Variants in BRCA1 observed in about 807,000 individuals in gnomAD.
BRCA1 encodes BRCA1 DNA repair associated.
Under a neutral mutation model 173.7 loss-of-function variants are expected in BRCA1, and 140 were observed. The ratio of observed to expected loss-of-function variants is 0.81; its 90% CI spans 0.70 to 0.93. The LOEUF (loss-of-function observed/expected upper bound fraction) is 0.93. Among genes scored for constraint, BRCA1 ranks in the 40% least tolerant of loss-of-function variants. The pLI, the probability that BRCA1 is intolerant of heterozygous loss-of-function variation, is 0.00. For missense variants in BRCA1, 1,983 were observed against 2,172.5 expected (o/e 0.91, Z 1.73); for synonymous variants, 662 against 756.0 (o/e 0.88, Z 2.04).
intron 18 of BRCA1, among the ~76,000 whole-genome samples, chr17:43,057,932 A>G (rs1271707107): frequency 1.4e-5 from 2 of 142,366 alleles, no homozygotes; most frequent in African/African-American, 2.7e-5. Flanking sequence ...AGGCATGAGA[A>G]TTGCTGGAAT....
intron 3 of BRCA1, 59 bp from the exon 4 acceptor site, chr17:43,106,592 C>T (rs1231289031): frequency 6.2e-6 from 8 of 1,290,612 alleles, no homozygotes; most frequent in Admixed American, 1.8e-5. Flanking sequence ...AGAAAGAATA[C>T]TCAAAAGGCA....
intron 19 of BRCA1, among the ~76,000 whole-genome samples, chr17:43,055,381 C>G (rs2051416085): frequency 6.6e-6 from 1 of 152,234 alleles, no homozygotes; most frequent in South Asian, 2.1e-4. Flanking sequence ...GGTGCAGTGG[C>G]TCATGCTTGT....
intron 2 of BRCA1, among the ~76,000 whole-genome samples, chr17:43,120,517 G>A (rs2055496343): frequency 6.6e-6 from 1 of 152,008 alleles, no homozygotes; most frequent in Non-Finnish European, 1.5e-5. Context: ...TGTAATCCCA[G>A]CACTTTGGGA....
Position 43,092,660 on chromosome 17 carries a change from C to T in BRCA1, c.2871G>A (p.Gln957=), listed in dbSNP as rs1167322579. The change falls in exon 10 of 23, where the codon CAG becomes CAA. Residue 957 remains glutamine (Q), a synonymous_variant. Transcript: ENST00000357654. ...TGAGTCCAGTTTCGTTGCCTCTGAA[C>T]TGAGATGATAGACAAAACCTAGAGC... ...KGGSRFCLSS[Q]FRGNETGLIT... The T allele has an allele frequency of 6.2e-7, 1 of 1,613,936 alleles. No individual in the cohort carries two copies. The highest frequency in any genetic ancestry group is 2.2e-5 in the East Asian group (1 of 44,874).
intron 1 of BRCA1, among the ~76,000 whole-genome samples, chr17:43,157,995 C>CAAA (rs557006036): frequency 1.5e-5 from 1 of 65,946 alleles, no homozygotes; most frequent in African/African-American, 4.7e-5. Flanking sequence ...AACTCTGTCT[C>CAAA]AAAAAAAAAA....
chr17:43,104,844 A>C (rs767849754), intron 5 of BRCA1, 24 bp downstream of exon 5: 8 of 1,596,528 alleles, frequency 5.0e-6, no homozygotes, highest in Middle Eastern at 1.7e-4. Context: ...CTTGAGTGTC[A>C]TTCTTGGGAT....
chr17:43,143,074 A>ATG (rs773830544), intron 1 of BRCA1, among the ~76,000 whole-genome samples: 44 of 149,268 alleles, frequency 2.9e-4, no homozygotes, highest in East Asian at 7.8e-4. Context: ...ATGTATATAT[A>ATG]TGTGTGTGTG....
At chr17:43,128,382 ACTC>A (rs1163613589), upstream of BRCA1, among the ~76,000 whole-genome samples, 39 of 148,164 alleles carry the variant, frequency 2.6e-4, no homozygotes, top group South Asian at 8.7e-4. Context: ...GAAGGAGGTA[ACTC>A]TGAACACGTC....
At chr17:43,097,410 G>A in intron 7 of BRCA1, 121 bp from the exon 8 acceptor site, 2 of 891,674 alleles carry the variant, frequency 2.2e-6, no homozygotes, top group Admixed American at 1.8e-5. Context: ...ATCTACTGTG[G>A]CAGGTACAAT....
In BRCA1 at chr17:43,067,711, A is replaced by C. The variant is rs773821829; in HGVS notation, c.4987-16T>G. 6.3e-7 allele frequency: 1 copy of C among 1,591,708 alleles called. No homozygotes were observed. Among genetic ancestry groups the C allele is most frequent in the Non-Finnish European group, 8.6e-7 (1 of 1,159,872 alleles). On this transcript the variant is annotated splice_polypyrimidine_tract_variant and intron_variant, in intron 15 of 22. Coordinates refer to ENST00000357654, the MANE Select transcript of BRCA1 (RefSeq NM_007294.4). The stretch of plus-strand genomic sequence containing the variant: ...ACACGAGCATCTGAAATTAAATCAA[A>C]TATTCCATTATCATGAGTTACCTCT...
chr17:43,079,185 A>T, intron 12 of BRCA1: 1 of 709,132 alleles, frequency 1.4e-6, no homozygotes, highest in East Asian at 2.7e-5. Flanking sequence ...AAACAAAAAC[A>T]AAACAAAACA....
At chr17:43,078,235 C>T (rs183503480) in intron 12 of BRCA1, among the ~76,000 whole-genome samples, 96 of 152,156 alleles carry the variant, frequency 6.3e-4, no homozygotes, top group African/African-American at 2.2e-3. Flanking sequence ...AGGTGCCCAC[C>T]ACCACCCCTT....
intron 20 of BRCA1, among the ~76,000 whole-genome samples, chr17:43,049,849 C>G (rs1310236673): frequency 6.6e-6 from 1 of 152,186 alleles, no homozygotes; most frequent in Non-Finnish European, 1.5e-5. Context: ...GTATGTTGCT[C>G]TTTCCCATCA....
At chr17:43,134,895 G>A (rs568285313) in intron 1 of BRCA1, among the ~76,000 whole-genome samples, 29 of 152,362 alleles carry the variant, frequency 1.9e-4, no homozygotes, top group African/African-American at 6.0e-4. Context: ...GGCCAAAGGA[G>A]CACAGGACGC....
chr17:43,123,223 T>C (rs900242442), intron 2 of BRCA1, among the ~76,000 whole-genome samples: 3 of 151,000 alleles, frequency 2.0e-5, no homozygotes, highest in African/African-American at 7.3e-5. Flanking sequence ...AGAGATCCTA[T>C]ATAAAAAAAA....
At chr17:43,123,958 C>T (rs2055707661) in intron 2 of BRCA1, 59 bp downstream of exon 2, 2 of 1,332,992 alleles carry the variant, frequency 1.5e-6, no homozygotes, top group Non-Finnish European at 2.2e-6. Flanking sequence ...CAATTCTGTT[C>T]ATTTGCATAG....
At position 43,046,604 on chromosome 17, in the gene BRCA1, A is replaced by G. The variant is rs8176314; in HGVS notation, c.5468-802T>C. Among the ~76,000 whole-genome samples the G allele has an allele frequency of 0.31, 46,944 of 151,166 alleles. 7,651 individuals are homozygous for G. The highest frequency in any genetic ancestry group is 0.49 in the South Asian group (2,353 of 4,766). On this transcript the variant is annotated intron_variant, in intron 22 of 22. Coordinates refer to ENST00000357654, the MANE Select transcript of BRCA1 (RefSeq NM_007294.4). ...TTTAGTAGAGATGGGGTTTCGCCAT[A>G]TTGGCCAGGCTGGTCTCAAACTCCT...
chr17:43,162,304 C>T (rs1414323006), intron 1 of BRCA1: 1 of 152,116 alleles, frequency 6.6e-6, no homozygotes, highest in Non-Finnish European at 1.5e-5. Flanking sequence ...ATTAAGAGAA[C>T]CACACTTTAT....
intron 1 of BRCA1, chr17:43,144,774 A>G: frequency 2.7e-6 from 1 of 365,252 alleles, no homozygotes. Context: ...TAATCCCAGC[A>G]CTTTGGGAGG....
Sources: allele counts gnomAD v4.1 joint callset (sites outside exome capture counted in the v4.1 genomes callset), GRCh38; gene constraint gnomAD v4.1.1; transcripts MANE v1.5; gene names NCBI Gene and HGNC (gene_info 2026-07-23, HGNC 2026-07-21).